Variants in ENTREP2 observed in about 807,000 individuals in gnomAD.
ENTREP2 encodes protein ENTREP2.
chr15:29,394,501 A>T, the ENTREP2 span, among the ~76,000 whole-genome samples: 2 of 152,240 alleles, frequency 1.3e-5, no homozygotes, highest in Non-Finnish European at 2.9e-5. Flanking sequence ...AGAACAGAAT[A>T]TAATGTCCAG....
the ENTREP2 span, among the ~76,000 whole-genome samples, chr15:29,135,228 T>C: frequency 1.3e-5 from 2 of 152,052 alleles, no homozygotes; most frequent in South Asian, 4.2e-4. This position sits in a 1 kb window ranked among gnomAD's most constrained non-coding sequence, Gnocchi z 7.4. Context: ...CAGGACCTCC[T>C]TGGCCACCTG....
At chr15:29,541,736 T>C in the ENTREP2 span, among the ~76,000 whole-genome samples, 7 of 152,128 alleles carry the variant, frequency 4.6e-5, no homozygotes, top group Non-Finnish European at 1.0e-4. Context: ...AAGAGGCCAC[T>C]GTGGCTGGGC....
the ENTREP2 span, among the ~76,000 whole-genome samples, chr15:29,426,544 A>G: frequency 4.6e-3 from 706 of 152,136 alleles, 10 homozygotes; most frequent in African/African-American, 0.016. Context: ...TAATTTCCCC[A>G]TCTTGTCTCA....
chr15:29,253,703 A>G, the ENTREP2 span, among the ~76,000 whole-genome samples: 3 of 152,152 alleles, frequency 2.0e-5, no homozygotes, highest in African/African-American at 7.2e-5. Flanking sequence ...GGCCTCCCAA[A>G]GTGCTGGGAT....
At chr15:29,200,583 A>G in the ENTREP2 span, among the ~76,000 whole-genome samples, 1 of 151,380 alleles carries the variant, frequency 6.6e-6, no homozygotes, top group African/African-American at 2.4e-5. Context: ...TTGAGATGGA[A>G]TTTTTGCTCT....
the ENTREP2 span, among the ~76,000 whole-genome samples, chr15:29,430,797 C>T: frequency 7.2e-5 from 11 of 152,056 alleles, no homozygotes; most frequent in Non-Finnish European, 2.9e-5. Flanking sequence ...GGAGACCACC[C>T]ACTCCCCAAA....
At chr15:29,568,710 C>CAAAAAAAAAAAAAAAAAAA in the ENTREP2 span, among the ~76,000 whole-genome samples, 1 of 128,190 alleles carries the variant, frequency 7.8e-6, no homozygotes, top group Non-Finnish European at 1.6e-5. Flanking sequence ...CCTCTTAAGG[C>CAAAAAAAAAAAAAAAAAAA]AAAAAAAAAA....
At chr15:29,272,396 A>G in the ENTREP2 span, among the ~76,000 whole-genome samples, 34 of 152,240 alleles carry the variant, frequency 2.2e-4, no homozygotes. Context: ...CTGTGGTTTC[A>G]GTTACCTGCA....
the ENTREP2 span, among the ~76,000 whole-genome samples, chr15:29,287,385 AAAAAAAAAAAAAG>A: frequency 4.7e-5 from 6 of 126,750 alleles, no homozygotes; most frequent in African/African-American, 2.0e-4. Context: ...AAGACCAGCA[AAAAAAAAAAAAAG>A]AAAAAAAAAA....
the ENTREP2 span, among the ~76,000 whole-genome samples, chr15:29,607,415 T>C: frequency 2.6e-5 from 4 of 151,836 alleles, no homozygotes; most frequent in African/African-American, 9.7e-5. Flanking sequence ...ATCCATCAAA[T>C]GTATTTAAAT....
chr15:29,546,552 T>C, the ENTREP2 span, among the ~76,000 whole-genome samples: 1 of 152,138 alleles, frequency 6.6e-6, no homozygotes, highest in Non-Finnish European at 1.5e-5. Context: ...AACGAGAATG[T>C]GTGCTAGAGC....
the ENTREP2 span, among the ~76,000 whole-genome samples, chr15:29,294,909 G>C: frequency 6.6e-6 from 1 of 152,178 alleles, no homozygotes; most frequent in Non-Finnish European, 1.5e-5. Flanking sequence ...GACCCTGTGG[G>C]GAGCCTTCTT....
chr15:29,193,887 T>C, the ENTREP2 span, among the ~76,000 whole-genome samples: 1 of 152,118 alleles, frequency 6.6e-6, no homozygotes, highest in Non-Finnish European at 1.5e-5. Context: ...ATAGCACCAA[T>C]AAATGTGGAA....
chr15:29,490,742 T>G, the ENTREP2 span, among the ~76,000 whole-genome samples: 8 of 152,180 alleles, frequency 5.3e-5, no homozygotes, highest in African/African-American at 1.9e-4. Flanking sequence ...CTGGTGCATA[T>G]ACAATCCTCC....
chr15:29,581,942 G>GTTT, the ENTREP2 span, among the ~76,000 whole-genome samples: 2 of 138,856 alleles, frequency 1.4e-5, no homozygotes, highest in Non-Finnish European at 3.1e-5. Flanking sequence ...AAATATGCTG[G>GTTT]TTTTTTTTTT....
At chr15:29,626,993 T>C in the ENTREP2 span, among the ~76,000 whole-genome samples, 1 of 152,216 alleles carries the variant, frequency 6.6e-6, no homozygotes, top group Non-Finnish European at 1.5e-5. Flanking sequence ...CTTTGATTTC[T>C]GCTCTTCTCT....
chr15:29,369,352 T>C, the ENTREP2 span, among the ~76,000 whole-genome samples: 2 of 151,764 alleles, frequency 1.3e-5, no homozygotes, highest in Non-Finnish European at 1.5e-5. Context: ...ACTTACCACA[T>C]ACAAGGGGTC....
the ENTREP2 span, chr15:29,126,608 A>G: frequency 7.3e-6 from 6 of 825,748 alleles, no homozygotes; most frequent in South Asian, 1.1e-4. Flanking sequence ...GGGTGCGGAA[A>G]CACTGGATAA....
chr15:29,392,110 G>T, the ENTREP2 span, among the ~76,000 whole-genome samples: 1 of 151,956 alleles, frequency 6.6e-6, no homozygotes, highest in South Asian at 2.1e-4. Flanking sequence ...TTACAGGCGT[G>T]AGCCACTGTG....
Sources: allele counts gnomAD v4.1 joint callset (sites outside exome capture counted in the v4.1 genomes callset), GRCh38; gene constraint gnomAD v4.1.1; non-coding constraint Gnocchi (gnomAD v3.1); transcripts MANE v1.5; gene names NCBI Gene and HGNC (gene_info 2026-07-23, HGNC 2026-07-21).